Variants in DTL observed in about 807,000 individuals in gnomAD.
The protein encoded by DTL is denticleless protein homolog.
DTL carries 46 observed loss-of-function variants against 87.0 expected under a neutral mutation model. That is an observed-to-expected ratio of 0.53 (90% CI 0.42 to 0.68). The LOEUF is 0.68. Ranked by LOEUF, DTL falls within the 30% of genes least tolerant of loss-of-function variation. DTL has a pLI of 0.00. For missense variants in DTL, 737 were observed against 869.4 expected (o/e 0.85, Z 1.91); for synonymous variants, 308 against 311.2 (o/e 0.99, Z 0.11).
intron 5 of DTL, among the ~76,000 whole-genome samples, chr1:212,062,554 C>T (rs111667870): frequency 0.011 from 1,613 of 152,158 alleles, 30 homozygotes; most frequent in African/African-American, 0.033. Context: ...ATAAAACACG[C>T]GGGATAGTAG....
rs375119195 is a variant in DTL, at chr1:212,042,997, G to T, written c.57G>T (p.Trp19Cys). 6.2e-7 allele frequency: 1 copy of T among 1,601,876 alleles called. No homozygotes were observed. The highest frequency in any genetic ancestry group is 8.5e-7 in the Non-Finnish European group (1 of 1,175,022). Residue 19 changes from tryptophan to cysteine, a missense_variant, in exon 2 of 15, where the codon TGG becomes TGT. Transcript: ENST00000366991. The part of the protein sequence containing the change: ...QPQLGVLRNG[W>C]SSQYPLQSLL... ...TAAGGAATTATCTTGTTTTAGGATG[G>T]TCTTCACAATACCCTCTTCAATCCC...
chr1:212,058,069 T>C (rs759453017), intron 5 of DTL, among the ~76,000 whole-genome samples: 2 of 152,144 alleles, frequency 1.3e-5, no homozygotes, highest in Non-Finnish European at 2.9e-5. Context: ...CACACAGATA[T>C]ATAAAGCCAA....
At chr1:212,060,885 A>G (rs923177394) in intron 5 of DTL, among the ~76,000 whole-genome samples, 3 of 152,198 alleles carry the variant, frequency 2.0e-5, no homozygotes, top group African/African-American at 4.8e-5. Flanking sequence ...AAAAGCACAG[A>G]CAACAAGAAC....
chr1:212,052,118 C>G (rs1297670819), intron 5 of DTL: 2 of 690,504 alleles, frequency 2.9e-6, no homozygotes, highest in Non-Finnish European at 5.2e-6. Context: ...ACTATCATCT[C>G]TGCTTTCATT....
At chr1:212,041,285 T>G (rs1281822623) in intron 1 of DTL, among the ~76,000 whole-genome samples, 1 of 151,948 alleles carries the variant, frequency 6.6e-6, no homozygotes, top group Non-Finnish European at 1.5e-5. Context: ...AGTTAAAGAG[T>G]CATTGTTTAA....
At chr1:212,092,388 G>A (rs1318794463) in intron 13 of DTL, among the ~76,000 whole-genome samples, 1 of 152,094 alleles carries the variant, frequency 6.6e-6, no homozygotes, top group Admixed American at 6.5e-5. Flanking sequence ...ACAAAACTTA[G>A]GTGTGGTGGT....
At chr1:212,040,284 G>C (rs888807087) in intron 1 of DTL, among the ~76,000 whole-genome samples, 1 of 151,928 alleles carries the variant, frequency 6.6e-6, no homozygotes, top group South Asian at 2.1e-4. Flanking sequence ...TTGTGTATGC[G>C]GTCTGTCTTT....
chr1:212,102,681 A>T (rs12125159), intron 14 of DTL, among the ~76,000 whole-genome samples, 161 bp from the exon 15 acceptor site: 10,666 of 152,322 alleles, frequency 0.07, 474 homozygotes, highest in Admixed American at 0.14. Context: ...TATAGTCAGT[A>T]CAAATCAGCC....
chr1:212,062,302 A>G (rs781292035), intron 5 of DTL, among the ~76,000 whole-genome samples: 26 of 152,208 alleles, frequency 1.7e-4, no homozygotes, highest in Non-Finnish European at 3.5e-4. Context: ...ATAAAACATT[A>G]CAGATAAATT....
chr1:212,075,612 T>TA (rs1654805141), intron 11 of DTL, among the ~76,000 whole-genome samples: 2 of 152,196 alleles, frequency 1.3e-5, no homozygotes, highest in Admixed American at 1.3e-4. Context: ...TACCCTAGGA[T>TA]AGTCCTAAAC....
chr1:212,055,063 A>C (rs1036207589), intron 5 of DTL, among the ~76,000 whole-genome samples: 3 of 152,212 alleles, frequency 2.0e-5, no homozygotes, highest in African/African-American at 7.2e-5. Flanking sequence ...AAATAGTGAG[A>C]TATTATAGTG....
At chr1:212,036,061 C>A in intron 1 of DTL, 119 bp downstream of exon 1, 1 of 954,934 alleles carries the variant, frequency 1.0e-6, no homozygotes, top group Non-Finnish European at 1.6e-6. Flanking sequence ...TCTCCCATGG[C>A]AAGGGTAAAT....
chr1:212,036,627 T>A (rs1667473059), intron 1 of DTL, among the ~76,000 whole-genome samples: 1 of 152,234 alleles, frequency 6.6e-6, no homozygotes, highest in South Asian at 2.1e-4. Context: ...TTCACTTTAA[T>A]GGTATAAGTT....
chr1:212,073,791 A>G (rs912940373), intron 11 of DTL, among the ~76,000 whole-genome samples: 9 of 152,128 alleles, frequency 5.9e-5, no homozygotes, highest in African/African-American at 2.2e-4. Flanking sequence ...CTCCATCACA[A>G]GATGGAGTTT....
At position 212,042,198 on chromosome 1, in the gene DTL, T is replaced by C. The variant is rs149323790; in HGVS notation, c.53-795T>C. 7.0e-4 allele frequency among the ~76,000 whole-genome samples: 103 copies of C among 146,336 alleles called. 1 individual carries two copies. The highest frequency in any genetic ancestry group is 2.3e-3 in the African/African-American group (96 of 41,162). Reference sequence around the variant, plus strand: ...TTAAAATGTCTTGATCACAAATCAGTATAATAAAAACAAATCTCTGAAGAT... The same window carrying C: ...TTAAAATGTCTTGATCACAAATCAGCATAATAAAAACAAATCTCTGAAGAT... On this transcript the variant is annotated intron_variant, in intron 1 of 14. Coordinates refer to ENST00000366991, the MANE Select transcript of DTL (RefSeq NM_016448.4).
At chr1:212,036,736 T>G (rs1235438520) in intron 1 of DTL, among the ~76,000 whole-genome samples, 1 of 152,240 alleles carries the variant, frequency 6.6e-6, no homozygotes, top group Non-Finnish European at 1.5e-5. Flanking sequence ...TGTCATCAAC[T>G]TAAACTTTTT....
chr1:212,069,359 A>G lies in DTL; in HGVS notation c.922+656A>G, dbSNP rs904352860. On this transcript the variant is annotated intron_variant, in intron 10 of 14. Transcript: ENST00000366991. The stretch of plus-strand genomic sequence containing the variant: ...GGTTACATTATTTTTAAGAACATCA[A>G]TTTCTTAAGCAACATCTTAGTAGCC... 3.3e-5 allele frequency among the ~76,000 whole-genome samples: 5 copies of G among 152,026 alleles called. No homozygotes were observed. In the South Asian group the frequency reaches 6.2e-4, roughly 19 times the overall value.
chr1:212,083,702 CAG>C (rs1655048383), intron 13 of DTL, among the ~76,000 whole-genome samples: 1 of 152,124 alleles, frequency 6.6e-6, no homozygotes, highest in Non-Finnish European at 1.5e-5. Context: ...CATAAATTGA[CAG>C]ATAATGTTGA....
At chr1:212,100,173 T>A (rs1655572629) in intron 13 of DTL, 79 bp from the exon 14 acceptor site, 2 of 1,116,962 alleles carry the variant, frequency 1.8e-6, no homozygotes, top group South Asian at 3.2e-5. Flanking sequence ...TTAGGTTAGC[T>A]ATGATTTTTC....
Sources: allele counts gnomAD v4.1 joint callset (sites outside exome capture counted in the v4.1 genomes callset), GRCh38; gene constraint gnomAD v4.1.1; transcripts MANE v1.5; gene names NCBI Gene and HGNC (gene_info 2026-07-23, HGNC 2026-07-21).